Variants in XPO7 observed in about 807,000 individuals in gnomAD.
The protein encoded by XPO7 is exportin-7.
XPO7 carries 21 observed loss-of-function variants against 144.3 expected under a neutral mutation model. The ratio of observed to expected loss-of-function variants is 0.15; its 90% CI spans 0.10 to 0.21. The LOEUF (loss-of-function observed/expected upper bound fraction) is 0.21. XPO7 is among the 10% of genes least tolerant of loss of function. The probability of loss-of-function intolerance (pLI) is 1.00; values close to 1 mark genes in which losing one functional copy is unlikely to be tolerated. For missense variants in XPO7, 808 were observed against 1,325.8 expected, an observed-to-expected ratio of 0.61 and a Z score of 6.06; for synonymous variants, 580 against 499.6, an observed-to-expected ratio of 1.16 and a Z score of -2.15.
chr8:21,999,837 CA>C (rs1161315140), intron 24 of XPO7, among the ~76,000 whole-genome samples, 163 bp downstream of exon 24: 8 of 152,316 alleles, frequency 5.3e-5, no homozygotes, highest in Admixed American at 3.3e-4. Flanking sequence ...TTATCCAGCA[CA>C]CACTCACTGA....
intron 18 of XPO7, among the ~76,000 whole-genome samples, chr8:21,991,547 C>T (rs1280482685): frequency 6.6e-6 from 1 of 152,176 alleles, no homozygotes; most frequent in Non-Finnish European, 1.5e-5. Context: ...AAGCTTCAGT[C>T]CTTTCTCCAC....
At chr8:21,935,212 C>T (rs1451485049) in intron 1 of XPO7, among the ~76,000 whole-genome samples, 2 of 152,206 alleles carry the variant, frequency 1.3e-5, no homozygotes, top group African/African-American at 4.8e-5. Context: ...AGCCAGGCAT[C>T]TAAAAGGACT....
intron 1 of XPO7, among the ~76,000 whole-genome samples, chr8:21,925,086 G>T (rs1041548061): frequency 3.9e-5 from 6 of 152,148 alleles, no homozygotes; most frequent in African/African-American, 1.4e-4. Context: ...TCACTACCCC[G>T]TTATCTTTTC....
chr8:21,940,936 T>C (rs879283555), intron 1 of XPO7, among the ~76,000 whole-genome samples: 1 of 152,128 alleles, frequency 6.6e-6, no homozygotes, highest in Non-Finnish European at 1.5e-5. Flanking sequence ...ACCAAGCATA[T>C]GTAATCAGCA....
intron 8 of XPO7, 135 bp from the exon 9 acceptor site, chr8:21,979,946 GTTC>G: frequency 8.9e-7 from 1 of 1,117,482 alleles, no homozygotes; most frequent in Non-Finnish European, 1.2e-6. Context: ...TTGGATCTAT[GTTC>G]TTTTCTTTTC....
intron 16 of XPO7, 67 bp from the exon 17 acceptor site, chr8:21,990,277 A>G: frequency 6.6e-7 from 1 of 1,516,202 alleles, no homozygotes; most frequent in South Asian, 1.1e-5. Flanking sequence ...TATTCTGGAA[A>G]GTTTCCATCT....
chr8:21,923,802 A>G (rs1398328444), intron 1 of XPO7, among the ~76,000 whole-genome samples: 2 of 152,172 alleles, frequency 1.3e-5, no homozygotes, highest in Non-Finnish European at 2.9e-5. Flanking sequence ...TGAAAGCAAT[A>G]TTGTACCACA....
intron 14 of XPO7, 27 bp from the exon 15 acceptor site, chr8:21,987,757 C>G (rs375441188): frequency 3.1e-6 from 5 of 1,612,146 alleles, no homozygotes; most frequent in Non-Finnish European, 4.2e-6. Flanking sequence ...TTCATGTGTT[C>G]TGGTTACTTT....
At chr8:21,975,690 T>C (rs1812202883) in intron 6 of XPO7, among the ~76,000 whole-genome samples, 1 of 152,222 alleles carries the variant, frequency 6.6e-6, no homozygotes. Context: ...TTGCACCCGC[T>C]GGAGGGGAAA....
At chr8:22,001,298 G>A (rs1316067517) in intron 24 of XPO7, among the ~76,000 whole-genome samples, 5 of 149,796 alleles carry the variant, frequency 3.3e-5, no homozygotes, top group African/African-American at 1.2e-4. Flanking sequence ...GACAGAACGA[G>A]ACTCCGTATC....
At chr8:21,985,543 A>G (rs748049377) in intron 12 of XPO7, 43 bp from the exon 13 acceptor site, 1 of 1,565,904 alleles carries the variant, frequency 6.4e-7, no homozygotes, top group Admixed American at 1.7e-5. Flanking sequence ...TGTCTTCAAG[A>G]AACTATCACT....
At chr8:21,924,548 G>C (rs1810398714) in intron 1 of XPO7, among the ~76,000 whole-genome samples, 1 of 151,990 alleles carries the variant, frequency 6.6e-6, no homozygotes, top group South Asian at 2.1e-4. Context: ...CAAAGCCAGG[G>C]GGAGAAGCAG....
chr8:21,984,082 C>G (rs1812492227), intron 11 of XPO7, among the ~76,000 whole-genome samples: 1 of 152,100 alleles, frequency 6.6e-6, no homozygotes, highest in African/African-American at 2.4e-5. Context: ...TGGTATGAGA[C>G]CATTTGTAGT....
At chr8:22,004,967 C>A in intron 27 of XPO7, 28 bp from the exon 28 acceptor site, 2 of 1,500,084 alleles carry the variant, frequency 1.3e-6, no homozygotes, top group Non-Finnish European at 1.8e-6. Flanking sequence ...CACTCTCCTC[C>A]CCCAACCCAC....
At chr8:21,955,279 G>A (rs1811499335) in intron 1 of XPO7, among the ~76,000 whole-genome samples, 1 of 152,184 alleles carries the variant, frequency 6.6e-6, no homozygotes. Context: ...GGTGGCAAAA[G>A]CCAGGTATAT....
chr8:21,982,582 T>A, intron 10 of XPO7, 58 bp from the exon 11 acceptor site: 2 of 1,493,276 alleles, frequency 1.3e-6, no homozygotes, highest in Non-Finnish European at 1.8e-6. Flanking sequence ...GTCAGTGGCA[T>A]GGGACTAACA....
intron 27 of XPO7, among the ~76,000 whole-genome samples, 165 bp from the exon 28 acceptor site, chr8:22,004,830 A>C (rs1287727230): frequency 6.6e-6 from 1 of 151,820 alleles, no homozygotes; most frequent in Non-Finnish European, 1.5e-5. Flanking sequence ...CAGATCTCTA[A>C]GCCAACTTTT....
At position 21,991,860 on chromosome 8, in the gene XPO7, C is replaced by T. The variant is rs1382751868; in HGVS notation, c.2042-8C>T. On this transcript the variant is annotated splice_polypyrimidine_tract_variant and splice_region_variant and intron_variant, in intron 18 of 27. Coordinates refer to ENST00000252512, the MANE Select transcript of XPO7 (RefSeq NM_015024.5). ...TTGGGGTTACACCCTGGGATGTTTC[C>T]TTTACAGGAGAGGATGAAGATCAGT... 26 of 1,606,592 alleles carry T rather than the reference C, an allele frequency of 1.6e-5. No individual in the cohort carries two copies. The highest frequency in any genetic ancestry group is 2.2e-5 in the Non-Finnish European group (26 of 1,176,992).
chr8:21,927,021 A>G (rs1428165737), intron 1 of XPO7, among the ~76,000 whole-genome samples: 1 of 152,202 alleles, frequency 6.6e-6, no homozygotes, highest in Non-Finnish European at 1.5e-5. Flanking sequence ...GAACTGAGCA[A>G]CTTTCTTCAG....
Sources: gnomAD v4.1 joint callset for allele counts (sites outside exome capture counted in the v4.1 genomes callset) on GRCh38, gnomAD v4.1.1 for gene constraint, MANE v1.5 for transcripts, NCBI Gene and HGNC (gene_info 2026-07-23, HGNC 2026-07-21) for gene names.